The following RPS6KC1 variants were observed in gnomAD, a reference collection of about 807,000 sequenced individuals.
RPS6KC1 encodes ribosomal protein S6 kinase C1, also known as inactive ribosomal protein S6 kinase delta-1.
In RPS6KC1, 54 loss-of-function variants were observed where a neutral mutation model predicts 103.8. The observed-to-expected ratio is 0.52, with a 90% CI of 0.42 to 0.65. RPS6KC1 has a LOEUF of 0.65. Among genes scored for constraint, RPS6KC1 ranks in the 30% least tolerant of loss-of-function variants. RPS6KC1 has a pLI of 0.00. For synonymous variants in RPS6KC1, 439 were observed against 438.7 expected, an observed-to-expected ratio of 1.00 and a Z score of -0.01; for missense variants, 1,151 against 1,253.8, an observed-to-expected ratio of 0.92 and a Z score of 1.24.
chr1:213,678,301 C>A, the RPS6KC1 span, among the ~76,000 whole-genome samples: 2 of 152,164 alleles, frequency 1.3e-5, no homozygotes, highest in Non-Finnish European at 2.9e-5. Context: ...ACACACTAGC[C>A]CCTGCATTAA....
At chr1:213,309,058 G>A in the RPS6KC1 span, among the ~76,000 whole-genome samples, 4 of 152,284 alleles carry the variant, frequency 2.6e-5, no homozygotes, top group South Asian at 2.1e-4. Flanking sequence ...TTGGGAGGCC[G>A]AGGTGGGTGG....
At chr1:213,547,698 G>A in the RPS6KC1 span, among the ~76,000 whole-genome samples, 1 of 152,168 alleles carries the variant, frequency 6.6e-6, no homozygotes, top group African/African-American at 2.4e-5. Flanking sequence ...AGATCCAATT[G>A]TTGAAAGGAG....
the RPS6KC1 span, among the ~76,000 whole-genome samples, chr1:213,354,919 C>T: frequency 1.1e-4 from 16 of 152,140 alleles, no homozygotes; most frequent in Non-Finnish European, 1.9e-4. Flanking sequence ...CAGCCCTTGG[C>T]AAGAGAGGGA....
chr1:213,467,013 C>CT, the RPS6KC1 span, among the ~76,000 whole-genome samples: 584 of 143,926 alleles, frequency 4.1e-3, 2 homozygotes, highest in African/African-American at 0.011. Context: ...ATCTACCAAT[C>CT]TTTTTTTTTT....
At chr1:213,515,160 T>G in the RPS6KC1 span, among the ~76,000 whole-genome samples, 1 of 152,204 alleles carries the variant, frequency 6.6e-6, no homozygotes, top group South Asian at 2.1e-4. Context: ...TTGCAAAAAT[T>G]TTCTCCCATT....
the RPS6KC1 span, among the ~76,000 whole-genome samples, chr1:213,562,365 T>G: frequency 1.3e-4 from 1 of 7,572 alleles, no homozygotes; most frequent in African/African-American, 2.8e-4. Context: ...TTCTGTTTTT[T>G]TTTTTTTTTT....
the RPS6KC1 span, among the ~76,000 whole-genome samples, chr1:213,647,149 G>C: frequency 6.6e-6 from 1 of 152,100 alleles, no homozygotes; most frequent in Non-Finnish European, 1.5e-5. Flanking sequence ...GACCTCAGGT[G>C]ATCTACCTGC....
At chr1:213,738,166 T>G in the RPS6KC1 span, among the ~76,000 whole-genome samples, 1 of 152,146 alleles carries the variant, frequency 6.6e-6, no homozygotes, top group Admixed American at 6.6e-5. Flanking sequence ...CACATATATA[T>G]ATTCAGTTAC....
the RPS6KC1 span, among the ~76,000 whole-genome samples, chr1:213,756,187 C>G: frequency 1.3e-5 from 2 of 152,192 alleles, no homozygotes; most frequent in African/African-American, 4.8e-5. Flanking sequence ...TGTCATCATG[C>G]CAGGGACACT....
the RPS6KC1 span, among the ~76,000 whole-genome samples, chr1:213,637,632 T>C: frequency 6.6e-6 from 1 of 152,078 alleles, no homozygotes; most frequent in Non-Finnish European, 1.5e-5. Flanking sequence ...AAGTTTATAT[T>C]TAACTGTACG....
the RPS6KC1 span, among the ~76,000 whole-genome samples, chr1:213,640,505 T>C: frequency 1.3e-5 from 2 of 151,632 alleles, no homozygotes; most frequent in Non-Finnish European, 1.5e-5. Flanking sequence ...ATTTATTTGA[T>C]ATTTTTTTCT....
the RPS6KC1 span, among the ~76,000 whole-genome samples, chr1:213,714,945 A>C: frequency 6.6e-6 from 1 of 152,166 alleles, no homozygotes; most frequent in African/African-American, 2.4e-5. Flanking sequence ...TCTGTAGGGT[A>C]GGAGCAGGAG....
the RPS6KC1 span, among the ~76,000 whole-genome samples, chr1:213,320,325 T>C: frequency 6.6e-6 from 1 of 152,252 alleles, no homozygotes; most frequent in Non-Finnish European, 1.5e-5. Context: ...CTGCATTGAA[T>C]GCAAATTGCA....
intron 8 of RPS6KC1, among the ~76,000 whole-genome samples, chr1:213,201,504 T>G (rs1301387527): frequency 6.6e-6 from 1 of 152,178 alleles, no homozygotes; most frequent in Non-Finnish European, 1.5e-5. Context: ...AGTGTAACTA[T>G]TCTGTATACT....
At chr1:213,677,577 T>C in the RPS6KC1 span, among the ~76,000 whole-genome samples, 1 of 151,940 alleles carries the variant, frequency 6.6e-6, no homozygotes, top group Admixed American at 6.6e-5. Flanking sequence ...AAACCCGGAG[T>C]TCAGAAAAAC....
chr1:213,461,358 C>G, the RPS6KC1 span, among the ~76,000 whole-genome samples: 1 of 152,140 alleles, frequency 6.6e-6, no homozygotes, highest in African/African-American at 2.4e-5. Flanking sequence ...CCATACTGCC[C>G]TAAGTAATTT....
chr1:213,786,915 G>C, the RPS6KC1 span, among the ~76,000 whole-genome samples: 1 of 152,166 alleles, frequency 6.6e-6, no homozygotes, highest in Non-Finnish European at 1.5e-5. Flanking sequence ...AGTCTTATAA[G>C]AAGTAAGGCA....
the RPS6KC1 span, among the ~76,000 whole-genome samples, chr1:213,584,660 G>C: frequency 6.6e-6 from 1 of 152,210 alleles, no homozygotes; most frequent in Non-Finnish European, 1.5e-5. Flanking sequence ...GCTACGTTTT[G>C]AGAAGAAAAC....
chr1:213,790,750 G>A, the RPS6KC1 span, among the ~76,000 whole-genome samples: 2 of 152,134 alleles, frequency 1.3e-5, no homozygotes, highest in Non-Finnish European at 2.9e-5. Context: ...CACTGAAGTG[G>A]AAATATTTGT....
Sources: gnomAD v4.1 joint callset for allele counts (sites outside exome capture counted in the v4.1 genomes callset) on GRCh38, gnomAD v4.1.1 for gene constraint, MANE v1.5 for transcripts, NCBI Gene and HGNC (gene_info 2026-07-23, HGNC 2026-07-21) for gene names.